The following EVPLL variants were observed in gnomAD, a reference collection of about 807,000 sequenced individuals.
EVPLL encodes the protein envoplakin-like protein.
A neutral mutation model predicts 46.2 loss-of-function variants in EVPLL; 39 were observed. The ratio of observed to expected loss-of-function variants is 0.84; its 90% CI spans 0.65 to 1.10. The LOEUF is 1.10. Among genes scored for constraint, EVPLL ranks in the 50% least tolerant of loss-of-function variants. The pLI is 0.00. For missense variants in EVPLL, 385 were observed against 412.6 expected (o/e 0.93, Z 0.58); for synonymous variants, 156 against 165.8 (o/e 0.94, Z 0.46).
Position 18,381,600 on chromosome 17 carries a change from C to T in EVPLL, c.219-3C>T. On this transcript the variant is annotated splice_region_variant and splice_polypyrimidine_tract_variant and intron_variant, in intron 3 of 10. Transcript: ENST00000399134. This position sits in a 1 kb window ranked among gnomAD's most constrained non-coding sequence, Gnocchi z 4.2. ...CCTGACCTGCTGGCCACCTTCTTGA[C>T]AGCATCGAGCAGCTGCACGAGCGGG... 1 of 1,614,088 alleles carries T rather than the reference C, an allele frequency of 6.2e-7. No homozygotes were observed. The highest frequency in any genetic ancestry group is 8.5e-7 in the Non-Finnish European group (1 of 1,180,000).
In EVPLL at chr17:18,381,519, G is replaced by A. The variant is rs775651927; in HGVS notation, c.216G>A (p.Lys72=). ...LKHPQAEETE[K]DIEQLHERVT... is the part of the protein sequence containing the mutation. ...ACCCGCAGGCTGAGGAGACTGAGAA[G>A]GAGTGAGTGGGGCTGCGGCAGGGCT... Residue 72 remains lysine (K), a splice_region_variant and synonymous_variant, in exon 3 of 11, where the codon AAG becomes AAA. Coordinates refer to ENST00000399134, the MANE Select transcript of EVPLL (RefSeq NM_001145127.2). The surrounding 1 kb of genome is among the most constrained non-coding windows in gnomAD (Gnocchi z 4.2). 10 of 1,613,856 alleles carry A rather than the reference G, an allele frequency of 6.2e-6. No individual in the cohort carries two copies. The East Asian group carries it at 6.7e-5, about 11-fold the overall frequency.
chr17:18,387,629 G>C lies in EVPLL; in HGVS notation c.877-590G>C, dbSNP rs1250125578. Among the ~76,000 whole-genome samples, 8 of 151,908 alleles carry C rather than the reference G, an allele frequency of 5.3e-5. 1 individual carries two copies. Among genetic ancestry groups the C allele is most frequent in the South Asian group, 2.1e-4 (1 of 4,800 alleles). On this transcript the variant is annotated intron_variant, in intron 9 of 10. Transcript: ENST00000399134. ...CAATAAACCTTTATTCACAGTAGGA[G>C]GGGGGCTTCATCTGGATTGTGGGCC...
Position 18,382,596 on chromosome 17 carries a change from G to T in EVPLL, c.430G>T (p.Asp144Tyr). ...DRGAQHRAEG[D>Y]QRPRRAAAEP... Reference sequence around the variant, plus strand: ...CGGAGCTCAACATCGTGCAGAAGGAGATCAACGACCAAGGAGAGCAGCTGC... The same window carrying T: ...CGGAGCTCAACATCGTGCAGAAGGATATCAACGACCAAGGAGAGCAGCTGC... Residue 144 changes from aspartate (D) to tyrosine (Y), a missense_variant, in exon 5 of 11, where the codon GAT (aspartate) becomes TAT (tyrosine). Transcript: ENST00000399134. 1.3e-6 allele frequency: 2 copies of T among 1,551,938 alleles called. No individual in the cohort carries two copies. Among genetic ancestry groups the T allele is most frequent in the Non-Finnish European group, 1.7e-6 (2 of 1,147,048 alleles).
intron 4 of EVPLL, 193 bp from the exon 5 acceptor site, chr17:18,382,320 C>G: frequency 3.5e-6 from 2 of 567,434 alleles, no homozygotes; most frequent in Non-Finnish European, 6.0e-6. Flanking sequence ...TGCAGAATGG[C>G]CTCTGCAGTG....
rs1457504610 is a variant in EVPLL at position 18,389,637 on chromosome 17, A to AT, written c.*827dup. The AT allele has an allele frequency of 1.5e-5, 2 of 133,788 alleles. No homozygotes were observed. Among genetic ancestry groups the AT allele is most frequent in the South Asian group, 2.4e-4 (1 of 4,140 alleles). The allele number at this position is 133,788 out of a possible 1,614,324, so 8.3% of individuals were successfully genotyped here. A position where few individuals can be genotyped will look rare whatever the true frequency, so the allele number is the denominator to read the frequency against. On this transcript the variant is annotated 3_prime_UTR_variant, in exon 11 of 11. Coordinates refer to ENST00000399134, the MANE Select transcript of EVPLL (RefSeq NM_001145127.2). ...GCAAATGATATGTAAATAAAGCTCA[A>AT]TTTTTTGAAACTTCATGCCTTTTTG...
In EVPLL at chr17:18,381,219, G is replaced by A. The variant is rs1311839565; in HGVS notation, c.64-148G>A. 2.5e-5 allele frequency: 34 copies of A among 1,340,090 alleles called. No individual in the cohort carries two copies. In the East Asian group the frequency reaches 4.5e-4, roughly 18 times the overall value. The allele number at this position is 1,340,090 out of a possible 1,614,324, so 83.0% of individuals were successfully genotyped here. On this transcript the variant is annotated intron_variant, in intron 2 of 10. Transcript: ENST00000399134. The surrounding 1 kb of genome is among the most constrained non-coding windows in gnomAD (Gnocchi z 4.2). ...TGTCTTTGTCACCTGCCTCATGGAC[G>A]CCCTGGGCCTGACCCTGTGCCTGGC...
In EVPLL at chr17:18,382,534, T is replaced by G. The variant is rs1474880914; in HGVS notation, c.368T>G (p.Val123Gly). 4 of 1,551,594 alleles carry G rather than the reference T, an allele frequency of 2.6e-6. No homozygotes were observed. In the East Asian group the frequency reaches 9.8e-5, roughly 38 times the overall value. The change falls in exon 5 of 11, where the codon GTA (valine) becomes GGA (glycine). Residue 123 changes from valine to glycine, a missense_variant. Val to Gly is a moderately radical substitution (Grantham distance 109). Coordinates refer to ENST00000399134, the MANE Select transcript of EVPLL (RefSeq NM_001145127.2). The part of the protein sequence containing the change: ...AETEAGLRRP[V>G]WAGHGGAGGT... ...GCAGAAGCTGGTCTGCGCAGGCCAG[T>G]ATGGGCCGGGCATGGCGGAGCTGGA... is the stretch of plus-strand genomic sequence containing the variant.
Position 18,377,810 on chromosome 17 carries a change from C to T in EVPLL, c.-210C>T. ...TTAGCTGACCAGCCAGCAAGGACGC[C>T]CGCTGCCTCCCACCTGCCCTCCTGC... On this transcript the variant is annotated 5_prime_UTR_variant, in exon 1 of 11. Transcript: ENST00000399134. 1.6e-6 allele frequency: 1 copy of T among 614,356 alleles called. No homozygotes were observed. The highest frequency in any genetic ancestry group is 2.8e-6 in the Non-Finnish European group (1 of 355,750). The allele number at this position is 614,356 out of a possible 1,614,324, so 38.1% of individuals were successfully genotyped here.
Position 18,388,268 on chromosome 17 carries a change from C to T in EVPLL, c.*20C>T, listed in dbSNP as rs1466612264. On this transcript the variant is annotated 3_prime_UTR_variant, in exon 10 of 11. Coordinates refer to ENST00000399134, the MANE Select transcript of EVPLL (RefSeq NM_001145127.2). Reference sequence around the variant, plus strand: ...CATTGACTCTGCATGAAGGGGATTTCTGGTGGAGTAAGGGTAGCAGGTGAG... The same window carrying T: ...CATTGACTCTGCATGAAGGGGATTTTTGGTGGAGTAAGGGTAGCAGGTGAG... 1 of 1,459,548 alleles carries T rather than the reference C, an allele frequency of 6.9e-7. No homozygotes were observed. The highest frequency in any genetic ancestry group is 1.4e-5 in the African/African-American group (1 of 70,048). 90.4% of individuals were successfully genotyped at this position (1,459,548 alleles called of 1,614,324 possible). A position where few individuals can be genotyped will look rare whatever the true frequency, so the allele number is the denominator to read the frequency against.
Position 18,382,514 on chromosome 17 carries a change from A to G in EVPLL, c.348A>G (p.Glu116=), listed in dbSNP as rs1049484929. 7.7e-6 allele frequency: 12 copies of G among 1,551,428 alleles called. No individual in the cohort carries two copies. Among genetic ancestry groups the G allele is most frequent in the Non-Finnish European group, 8.7e-6 (10 of 1,146,922 alleles). Residue 116 remains glutamate, a splice_region_variant and synonymous_variant, in exon 5 of 11, where the codon GAA becomes GAG. Coordinates refer to ENST00000399134, the MANE Select transcript of EVPLL (RefSeq NM_001145127.2). ...ACTGAGCCGCCGGCTCTCCTGCAGAAGCTGGTCTGCGCAGGCCAGTATGGG... is the reference window on the plus strand; with the variant it reads ...ACTGAGCCGCCGGCTCTCCTGCAGAGGCTGGTCTGCGCAGGCCAGTATGGG... The part of the protein sequence containing the change: ...RLGTRAGAET[E]AGLRRPVWAG...
rs541676494 is a variant in EVPLL, at chr17:18,383,430, G to C, written c.780+52G>C. On this transcript the variant is annotated intron_variant, in intron 8 of 10. Transcript: ENST00000399134. ...GAAGGGACGTGGTGGGCGGGGAAGG[G>C]GGGGGTGGACGTGGGTGCGGGGGCG... 1.1e-5 allele frequency: 17 copies of C among 1,544,534 alleles called. No homozygotes were observed. The South Asian group carries it at 1.3e-4, about 12-fold the overall frequency.
intron 9 of EVPLL, among the ~76,000 whole-genome samples, chr17:18,386,184 G>A (rs144875887): frequency 6.8e-4 from 104 of 152,280 alleles, no homozygotes; most frequent in Admixed American, 1.4e-3. Flanking sequence ...CTCTCCTGGC[G>A]TGTAGGTGGC....
chr17:18,380,171 A>T (rs1987513555), intron 1 of EVPLL: 1 of 152,278 alleles, frequency 6.6e-6, no homozygotes, highest in Admixed American at 6.5e-5. Context: ...ACCTCCACAG[A>T]GTGACTGCAT....
At chr17:18,385,049 GGGGAGAAA>G (rs2049564028) in intron 9 of EVPLL, among the ~76,000 whole-genome samples, 1 of 151,814 alleles carries the variant, frequency 6.6e-6, no homozygotes, top group South Asian at 2.1e-4. Context: ...AGAGGCAGAG[GGGGAGAAA>G]GGGAGAGAGG....
In EVPLL at chr17:18,377,829, C is replaced by A; in HGVS notation, c.-191C>A. On this transcript the variant is annotated 5_prime_UTR_variant, in exon 1 of 11. Coordinates refer to ENST00000399134, the MANE Select transcript of EVPLL (RefSeq NM_001145127.2). Reference sequence around the variant, plus strand: ...GGACGCCCGCTGCCTCCCACCTGCCCTCCTGCCCTCCTTCACCAGCCAAGC... The same window carrying A: ...GGACGCCCGCTGCCTCCCACCTGCCATCCTGCCCTCCTTCACCAGCCAAGC... 1.5e-6 allele frequency: 1 copy of A among 687,574 alleles called. No homozygotes were observed. Among genetic ancestry groups the A allele is most frequent in the Non-Finnish European group, 2.4e-6 (1 of 408,826 alleles). 42.6% of individuals were successfully genotyped at this position (687,574 alleles called of 1,614,324 possible).
chr17:18,385,912 C>G (rs577755304), intron 9 of EVPLL, among the ~76,000 whole-genome samples: 21 of 152,324 alleles, frequency 1.4e-4, no homozygotes, highest in African/African-American at 4.8e-4. Flanking sequence ...TGCAAACCTA[C>G]ACCCAGCAAA....
intron 1 of EVPLL, chr17:18,380,018 C>G (rs555293116): frequency 1.3e-5 from 2 of 152,438 alleles, no homozygotes; most frequent in Admixed American, 1.3e-4. Context: ...GTGCCTTCAC[C>G]AGCACTGTCC....
Position 18,377,836 on chromosome 17 carries a change from C to G in EVPLL, c.-184C>G. The stretch of plus-strand genomic sequence containing the variant: ...CGCTGCCTCCCACCTGCCCTCCTGC[C>G]CTCCTTCACCAGCCAAGCCCAGCCT... On this transcript the variant is annotated 5_prime_UTR_variant, in exon 1 of 11. Transcript: ENST00000399134. 2 of 722,212 alleles carry G rather than the reference C, an allele frequency of 2.8e-6. No homozygotes were observed. The highest frequency in any genetic ancestry group is 4.6e-6 in the Non-Finnish European group (2 of 436,508). The allele number at this position is 722,212 out of a possible 1,614,324, so 44.7% of individuals were successfully genotyped here. A position where few individuals can be genotyped will look rare whatever the true frequency, so the allele number is the denominator to read the frequency against.
chr17:18,383,453 G>GGGGGGGGGC, intron 8 of EVPLL, 39 bp from the exon 9 acceptor site: 1 of 1,543,802 alleles, frequency 6.5e-7, no homozygotes, highest in Non-Finnish European at 8.7e-7. Flanking sequence ...GGGTGCGGGG[G>GGGGGGGGGC]CGGGGCGTGG....
Sources: gnomAD v4.1 joint callset for allele counts (sites outside exome capture counted in the v4.1 genomes callset) on GRCh38, gnomAD v4.1.1 for gene constraint, Gnocchi (gnomAD v3.1) non-coding constraint, MANE v1.5 for transcripts, NCBI Gene and HGNC (gene_info 2026-07-23, HGNC 2026-07-21) for gene names.